Variants in NEB observed in about 807,000 individuals in gnomAD.
NEB encodes the protein nebulin, also known as nemaline myopathy type 2.
A neutral mutation model predicts 952.2 loss-of-function variants in NEB; 512 were observed. The observed-to-expected ratio is 0.54, with a 90% confidence interval of 0.50 to 0.58. The LOEUF is 0.58. NEB is among the 20% of genes least tolerant of loss of function. NEB has a pLI of 0.00. For missense variants in NEB, 8,428 were observed against 9,231.1 expected, an observed-to-expected ratio of 0.91 and a Z score of 3.56; for synonymous variants, 2,900 against 3,149.8, an observed-to-expected ratio of 0.92 and a Z score of 2.66.
At chr2:151,512,633 A>G in intron 161 of NEB, 100 bp downstream of exon 161, 1 of 919,798 alleles carries the variant, frequency 1.1e-6, no homozygotes, top group Non-Finnish European at 1.7e-6. Flanking sequence ...TTTATTGGGA[A>G]AAACTGATCT....
chr2:151,601,495 C>A (rs1647174318), intron 88 of NEB, among the ~76,000 whole-genome samples: 1 of 115,942 alleles, frequency 8.6e-6, no homozygotes, highest in Non-Finnish European at 1.7e-5. Context: ...CAGTATATTT[C>A]TAGCACACAT....
Position 151,527,532 on chromosome 2 carries a change from A to G in NEB, c.21789T>C (p.Pro7263=). ...EANKAHWKWT[P]DRPDFLQAAK... ...CAGCCTGGAGGAAGTCCGGTCGGTC[A>G]GGAGTCCACTTCCAGTGGGCTTTGT... The change falls in exon 147 of 182, where the codon CCT becomes CCC. Residue 7263 remains proline, a synonymous_variant. Transcript: ENST00000397345. 1.2e-6 allele frequency: 2 copies of G among 1,613,556 alleles called. No individual in the cohort carries two copies. The highest frequency in any genetic ancestry group is 1.7e-6 in the Non-Finnish European group (2 of 1,179,694).
rs767710041 is a variant in NEB, at chr2:151,663,626, G to A, written c.5685C>T (p.Asn1895=). The A allele has an allele frequency of 1.2e-5, 19 of 1,613,656 alleles. No individual in the cohort carries two copies. Among genetic ancestry groups the A allele is most frequent in the African/African-American group, 6.7e-5 (5 of 74,906 alleles). Residue 1895 remains asparagine (N), a synonymous_variant, in exon 45 of 182, where the codon AAC becomes AAT. Coordinates refer to ENST00000397345, the MANE Select transcript of NEB (RefSeq NM_001164508.2). ...QEVATNANYR[N]VIHTYNMLPD... ...GAAGCATGTTGTAGGTATGGATCAC[G>A]TTCCTGTAGTTGGCATTGGTGGCCA...
chr2:151,646,069 A>G (rs1441713094), intron 55 of NEB, 61 bp downstream of exon 55: 1 of 1,237,422 alleles, frequency 8.1e-7, no homozygotes, highest in African/African-American at 1.5e-5. Context: ...AGACAATTTC[A>G]CTGATTTAGA....
At chr2:151,493,284 G>T in intron 176 of NEB, 69 bp downstream of exon 176, 1 of 1,164,644 alleles carries the variant, frequency 8.6e-7, no homozygotes, top group Non-Finnish European at 1.2e-6. Flanking sequence ...TGAGAAAGGC[G>T]TGTTTTTATG....
chr2:151,614,139 T>C (rs961197183), intron 77 of NEB, 137 bp downstream of exon 77: 2 of 1,014,966 alleles, frequency 2.0e-6, no homozygotes, highest in Admixed American at 2.9e-5. Flanking sequence ...ACTAAATACA[T>C]ACTTTATTTT....
At position 151,639,331 on chromosome 2, in the gene NEB, T is replaced by C. The variant is rs1308710342; in HGVS notation, c.8943A>G (p.Pro2981=). The change falls in exon 63 of 182, where the codon CCA becomes CCG. Residue 2981 remains proline, a synonymous_variant. Coordinates refer to ENST00000397345, the MANE Select transcript of NEB (RefSeq NM_001164508.2). ...TTGCCAACATAATTTCTGGTGTGTCTGGCATTATGTGGATCTGAGTCTTGT... is the reference window on the plus strand; with the variant it reads ...TTGCCAACATAATTTCTGGTGTGTCCGGCATTATGTGGATCTGAGTCTTGT... ...DKDKTQIHIM[P]DTPEIMLARM... 1.3e-6 allele frequency: 2 copies of C among 1,545,866 alleles called. No homozygotes were observed. Among genetic ancestry groups the C allele is most frequent in the Admixed American group, 3.9e-5 (2 of 51,142 alleles).
intron 163 of NEB, chr2:151,506,488 C>A: frequency 2.0e-6 from 1 of 499,122 alleles, no homozygotes; most frequent in Non-Finnish European, 3.5e-6. Context: ...TTGTGGTATA[C>A]CATACTAACA....
chr2:151,665,998 T>G, intron 41 of NEB, 92 bp downstream of exon 41: 9 of 1,281,290 alleles, frequency 7.0e-6, no homozygotes, highest in Non-Finnish European at 7.5e-6. Flanking sequence ...TTAATTACAG[T>G]GAGTGCAGCC....
chr2:151,666,087 T>C lies in NEB; in HGVS notation c.5031+3A>G. 1 of 1,609,826 alleles carries C rather than the reference T, an allele frequency of 6.2e-7. No homozygotes were observed. Among genetic ancestry groups the C allele is most frequent in the South Asian group, 1.1e-5 (1 of 90,568 alleles). ...GGATAACAACTTGGTAACCAGTACA[T>C]ACATCACTCTGAATCTGCATGGCAT... On this transcript the variant is annotated splice_donor_region_variant and intron_variant, in intron 41 of 181. Transcript: ENST00000397345.
chr2:151,551,795 T>C lies in NEB; in HGVS notation c.19887A>G (p.Pro6629=). 6.2e-7 allele frequency: 1 copy of C among 1,613,428 alleles called. No individual in the cohort carries two copies. The part of the protein sequence containing the change: ...YVHSVRGKVA[P]TTKTVDLDRA... Reference sequence around the variant, plus strand: ...GGTCCAGATCCACGGTTTTGGTAGTTGGAGCCACTTTGCCTCTGACACTGT... The same window carrying C: ...GGTCCAGATCCACGGTTTTGGTAGTCGGAGCCACTTTGCCTCTGACACTGT... The change falls in exon 129 of 182, where the codon CCA becomes CCG. Residue 6629 remains proline, a synonymous_variant. Transcript: ENST00000397345.
chr2:151,677,091 T>C (rs2099366666), intron 34 of NEB, among the ~76,000 whole-genome samples: 1 of 152,208 alleles, frequency 6.6e-6, no homozygotes. Flanking sequence ...TCTGTGATAA[T>C]TGTGTATGCT....
intron 78 of NEB, among the ~76,000 whole-genome samples, chr2:151,611,674 T>C (rs1216527766): frequency 6.6e-6 from 1 of 152,170 alleles, no homozygotes; most frequent in Non-Finnish European, 1.5e-5. Flanking sequence ...CTATCTTGTG[T>C]AATAAAACTG....
intron 61 of NEB, 100 bp downstream of exon 61, chr2:151,640,255 C>T: frequency 1.3e-6 from 2 of 1,538,750 alleles, no homozygotes; most frequent in Non-Finnish European, 1.8e-6. Flanking sequence ...TATTTGCCTC[C>T]TCCAGGGGCT....
intron 156 of NEB, among the ~76,000 whole-genome samples, chr2:151,517,802 C>T (rs1376782365): frequency 6.6e-6 from 1 of 152,204 alleles, no homozygotes; most frequent in Non-Finnish European, 1.5e-5. Context: ...TAAAATGGTA[C>T]ACCTGCATAG....
At chr2:151,515,206 G>A (rs2076980061) in intron 157 of NEB, among the ~76,000 whole-genome samples, 1 of 152,134 alleles carries the variant, frequency 6.6e-6, no homozygotes, top group African/African-American at 2.4e-5. Context: ...GTGGAAGGAT[G>A]GATGCACCAT....
chr2:151,709,038 C>T (rs759570788), intron 12 of NEB, among the ~76,000 whole-genome samples: 8 of 152,166 alleles, frequency 5.3e-5, no homozygotes, highest in Non-Finnish European at 8.8e-5. Context: ...TGTTTGGCTT[C>T]GAAGTTTATG....
At chr2:151,572,134 CAACATGGTGA>C (rs2096650439) in intron 107 of NEB, among the ~76,000 whole-genome samples, 1 of 152,138 alleles carries the variant, frequency 6.6e-6, no homozygotes, top group Admixed American at 6.5e-5. Context: ...CCAGCCTAGC[CAACATGGTGA>C]AACCTTGTCT....
intron 2 of NEB, 58 bp from the exon 3 acceptor site, chr2:151,733,243 A>T (rs568762355): frequency 7.0e-6 from 8 of 1,147,146 alleles, no homozygotes; most frequent in Non-Finnish European, 1.0e-5. Context: ...CACAGAAATT[A>T]TCTTATGACA....
Sources: allele counts gnomAD v4.1 joint callset (sites outside exome capture counted in the v4.1 genomes callset), GRCh38; gene constraint gnomAD v4.1.1; transcripts MANE v1.5; gene names NCBI Gene and HGNC (gene_info 2026-07-23, HGNC 2026-07-21).